DAZL: variants seen among roughly 807,000 people sequenced by gnomAD.
DAZL encodes the protein deleted in azoospermia-like.
In DAZL, 4 loss-of-function variants were observed where a neutral mutation model predicts 45.0. That is an observed-to-expected ratio of 0.09 (90% CI 0.04 to 0.20). The LOEUF (loss-of-function observed/expected upper bound fraction) is 0.20. Among genes scored for constraint, DAZL ranks in the 10% least tolerant of loss-of-function variants. DAZL has a pLI of 1.00. For synonymous variants in DAZL, 122 were observed against 112.4 expected (o/e 1.09, Z -0.54); for missense variants, 326 against 351.3 (o/e 0.93, Z 0.58).
intron 10 of DAZL, among the ~76,000 whole-genome samples, chr3:16,591,287 C>T (rs75201237): frequency 0.069 from 10,538 of 152,182 alleles, 530 homozygotes; most frequent in Non-Finnish European, 0.098. Context: ...TTCTCTTCCA[C>T]TTTACCAACT....
At chr3:16,599,259 C>G (rs1339525229) in intron 1 of DAZL, among the ~76,000 whole-genome samples, 1 of 151,396 alleles carries the variant, frequency 6.6e-6, no homozygotes, top group Non-Finnish European at 1.5e-5. Context: ...GTTCTATATT[C>G]ATAAACAACT....
chr3:16,604,860 G>C (rs569754878), intron 1 of DAZL: 9 of 715,388 alleles, frequency 1.3e-5, no homozygotes, highest in Non-Finnish European at 1.8e-5. Context: ...AGTCGGGGGT[G>C]GGGAACCCGC....
At chr3:16,595,014 G>A (rs776697965) in intron 7 of DAZL, among the ~76,000 whole-genome samples, 30 of 151,622 alleles carry the variant, frequency 2.0e-4, no homozygotes, top group African/African-American at 4.6e-4. Context: ...ATGAAAGTCC[G>A]TCTGGCTGTT....
chr3:16,595,922 T>C (rs1440328334), intron 6 of DAZL, among the ~76,000 whole-genome samples: 2 of 151,976 alleles, frequency 1.3e-5, no homozygotes, highest in Non-Finnish European at 2.9e-5. Context: ...TAGCTACTGA[T>C]TGAAAACATA....
chr3:16,598,226 A>G (rs1221186747), intron 2 of DAZL, 48 bp from the exon 3 acceptor site: 1 of 1,513,174 alleles, frequency 6.6e-7, no homozygotes, highest in Non-Finnish European at 9.1e-7. Flanking sequence ...GCATTCAAAA[A>G]TTTTAATTTT....
Position 16,587,782 on chromosome 3 carries a change from A to G in DAZL, c.*878T>C, listed in dbSNP as rs1694458531. Reference sequence around the variant, plus strand: ...ATATTTCAATGTTTTTATAAAAACAATTCCCTTCAGATACTCTGATTAACC... The same window carrying G: ...ATATTTCAATGTTTTTATAAAAACAGTTCCCTTCAGATACTCTGATTAACC... On this transcript the variant is annotated 3_prime_UTR_variant, in exon 11 of 11. Coordinates refer to ENST00000399444, the MANE Select transcript of DAZL (RefSeq NM_001351.4). The G allele has an allele frequency of 6.3e-6, 1 of 158,674 alleles. No individual in the cohort carries two copies. The highest frequency in any genetic ancestry group is 2.4e-5 in the African/African-American group (1 of 41,570). 9.8% of individuals were successfully genotyped at this position (158,674 alleles called of 1,614,324 possible).
chr3:16,592,243 A>C, intron 9 of DAZL, 95 bp from the exon 10 acceptor site: 1 of 1,529,282 alleles, frequency 6.5e-7, no homozygotes, highest in Non-Finnish European at 9.0e-7. Flanking sequence ...ATATTACTTT[A>C]TTTCTAAAGA....
chr3:16,602,941 G>T (rs1308500322), intron 1 of DAZL, among the ~76,000 whole-genome samples: 3 of 152,016 alleles, frequency 2.0e-5, no homozygotes, highest in Non-Finnish European at 4.4e-5. Context: ...CAGTCTTTAT[G>T]AATCAATACA....
At chr3:16,593,058 G>A (rs753152295) in intron 9 of DAZL, among the ~76,000 whole-genome samples, 3 of 101,662 alleles carry the variant, frequency 3.0e-5, no homozygotes, top group South Asian at 2.6e-4. Context: ...AGAGAATGCC[G>A]TAAGTAATGT....
intron 8 of DAZL, among the ~76,000 whole-genome samples, chr3:16,594,010 T>C (rs1200753952): frequency 1.3e-5 from 2 of 152,208 alleles, no homozygotes; most frequent in Non-Finnish European, 1.5e-5. Context: ...AAGAAACTAA[T>C]GTAGTAAGAG....
rs1694465838 is a variant in DAZL, at chr3:16,588,150, G to A, written c.*510C>T. On this transcript the variant is annotated 3_prime_UTR_variant, in exon 11 of 11. Transcript: ENST00000399444. ...GTTTAGATAAGAAGACTTCAATAAAGCTAACTATATATTGAGTTCCACTGA... is the reference window on the plus strand; with the variant it reads ...GTTTAGATAAGAAGACTTCAATAAAACTAACTATATATTGAGTTCCACTGA... 5.8e-6 allele frequency: 1 copy of A among 172,292 alleles called. No individual in the cohort carries two copies. Among genetic ancestry groups the A allele is most frequent in the Admixed American group, 5.9e-5 (1 of 16,860 alleles). 10.7% of individuals were successfully genotyped at this position (172,292 alleles called of 1,614,324 possible).
chr3:16,599,085 G>A (rs757648750), intron 1 of DAZL, among the ~76,000 whole-genome samples: 3 of 151,898 alleles, frequency 2.0e-5, no homozygotes, highest in Non-Finnish European at 4.4e-5. Context: ...GCGCAGCCAG[G>A]ATACAGTACT....
chr3:16,591,133 G>A (rs555415265), intron 10 of DAZL, among the ~76,000 whole-genome samples: 1 of 151,966 alleles, frequency 6.6e-6, no homozygotes, highest in Non-Finnish European at 1.5e-5. Flanking sequence ...CATAGACTTA[G>A]AACTACAGGG....
At chr3:16,594,478 C>CAA (rs199643636) in intron 8 of DAZL, 55 bp downstream of exon 8, 7 of 1,280,754 alleles carry the variant, frequency 5.5e-6, no homozygotes, top group African/African-American at 3.1e-5. Context: ...TATAGTTAAA[C>CAA]AAAAAAAAAT....
chr3:16,602,938 T>A (rs58869003), intron 1 of DAZL, among the ~76,000 whole-genome samples: 3 of 152,084 alleles, frequency 2.0e-5, no homozygotes, highest in Non-Finnish European at 4.4e-5. Flanking sequence ...ATACAGTCTT[T>A]ATGAATCAAT....
Position 16,588,458 on chromosome 3 carries a change from C to T in DAZL, c.*202G>A. ...GTCTCAATTATTTTTTTACTTTCAA[C>T]TATATTTCAACACAGAACCAGTTTC... On this transcript the variant is annotated 3_prime_UTR_variant, in exon 11 of 11. Coordinates refer to ENST00000399444, the MANE Select transcript of DAZL (RefSeq NM_001351.4). 1 of 425,810 alleles carries T rather than the reference C, an allele frequency of 2.3e-6. No homozygotes were observed. Among genetic ancestry groups the T allele is most frequent in the South Asian group, 4.6e-5 (1 of 21,822 alleles). 26.4% of individuals were successfully genotyped at this position (425,810 alleles called of 1,614,324 possible). A position where few individuals can be genotyped will look rare whatever the true frequency, so the allele number is the denominator to read the frequency against.
At chr3:16,604,783 G>A in intron 1 of DAZL, 3 of 1,359,562 alleles carry the variant, frequency 2.2e-6, no homozygotes, top group Admixed American at 3.2e-5. Flanking sequence ...GCGGAGGCGC[G>A]TGGGAGTGGG....
Position 16,596,882 on chromosome 3 carries a change from A to G in DAZL, c.366T>C (p.Tyr122=), listed in dbSNP as rs769084392. ...PAIRKQNLCA[Y]HVQPRPLVFN... is the part of the protein sequence containing the mutation. ...AAACCAAAGGACGTGGCTGCACATGATAAGCACCTTTTTGAAAAGCAAAAA... is the reference window on the plus strand; with the variant it reads ...AAACCAAAGGACGTGGCTGCACATGGTAAGCACCTTTTTGAAAAGCAAAAA... The change falls in exon 6 of 11, where the codon TAT becomes TAC. Residue 122 remains tyrosine (Y), a synonymous_variant. Transcript: ENST00000399444. 1 of 1,613,856 alleles carries G rather than the reference A, an allele frequency of 6.2e-7. No homozygotes were observed. The highest frequency in any genetic ancestry group is 1.1e-5 in the South Asian group (1 of 91,080).
intron 10 of DAZL, among the ~76,000 whole-genome samples, chr3:16,589,317 T>A (rs1255412341): frequency 6.6e-6 from 1 of 152,088 alleles, no homozygotes; most frequent in Non-Finnish European, 1.5e-5. Flanking sequence ...AAAGGAGAAA[T>A]GGGACTAAGC....
Sources: allele counts gnomAD v4.1 joint callset (sites outside exome capture counted in the v4.1 genomes callset), GRCh38; gene constraint gnomAD v4.1.1; transcripts MANE v1.5; gene names NCBI Gene and HGNC (gene_info 2026-07-23, HGNC 2026-07-21).